CELSR1: variants seen among roughly 807,000 people sequenced by gnomAD.
CELSR1 encodes cadherin EGF LAG seven-pass G-type receptor 1.
Under a neutral mutation model 249.1 loss-of-function variants are expected in CELSR1, and 110 were observed. That is an observed-to-expected ratio of 0.44 (90% CI 0.38 to 0.52). The LOEUF (loss-of-function observed/expected upper bound fraction) is 0.52. Ranked by LOEUF, CELSR1 falls within the 20% of genes least tolerant of loss-of-function variation. The pLI is 0.00. For synonymous variants in CELSR1, 2,113 were observed against 1,900.0 expected (o/e 1.11, Z -2.92); for missense variants, 4,109 against 4,296.4 (o/e 0.96, Z 1.22).
Position 46,490,998 on chromosome 22 carries a change from C to G in CELSR1, c.3545-26653G>C, listed in dbSNP as rs893265851. The stretch of plus-strand genomic sequence containing the variant: ...ATTTTGTTCCCCTACAAGTTCAGGA[C>G]CTCGGAAGTCAGGAGACGCCTGCAA... On this transcript the variant is annotated intron_variant, in intron 1 of 34. Coordinates refer to ENST00000674500, the MANE Select transcript of CELSR1 (RefSeq NM_001378328.1). The surrounding 1 kb of genome is among the most constrained non-coding windows in gnomAD (Gnocchi z 5.2). Among the ~76,000 whole-genome samples, 2 of 152,100 alleles carry G rather than the reference C, an allele frequency of 1.3e-5. No individual in the cohort carries two copies. Among genetic ancestry groups the G allele is most frequent in the Admixed American group, 1.3e-4 (2 of 15,254 alleles).
At chr22:46,456,034 C>T (rs974301225) in intron 2 of CELSR1, among the ~76,000 whole-genome samples, 3 of 152,190 alleles carry the variant, frequency 2.0e-5, no homozygotes, top group Non-Finnish European at 2.9e-5. Context: ...CTGAAAAGCA[C>T]GTTTTCCCAA....
chr22:46,428,540 C>T lies in CELSR1; in HGVS notation c.4611+4853G>A, dbSNP rs1031028842. On this transcript the variant is annotated intron_variant, in intron 5 of 34. Coordinates refer to ENST00000674500, the MANE Select transcript of CELSR1 (RefSeq NM_001378328.1). This position sits in a 1 kb window ranked among gnomAD's most constrained non-coding sequence, Gnocchi z 5.7. ...CCAGTGGTTCTCATCCAGGGCATGA[C>T]CTCAGGGGCCTGACAATGATGAAGA... 6.6e-6 allele frequency among the ~76,000 whole-genome samples: 1 copy of T among 152,230 alleles called. No individual in the cohort carries two copies. Among genetic ancestry groups the T allele is most frequent in the African/African-American group, 2.4e-5 (1 of 41,460 alleles).
chr22:46,404,415 AAAAAAAGAAAAAG>A (rs1382737507), intron 9 of CELSR1, among the ~76,000 whole-genome samples: 5 of 152,182 alleles, frequency 3.3e-5, no homozygotes, highest in Admixed American at 6.5e-5. Context: ...CCATTTCAAA[AAAAAAAGAAAAAG>A]AAAAAAGAAA....
At position 46,522,906 on chromosome 22, in the gene CELSR1, G is replaced by A. The variant is rs537755776; in HGVS notation, c.3544+10721C>T. Among the ~76,000 whole-genome samples the A allele has an allele frequency of 2.0e-5, 3 of 152,368 alleles. No individual in the cohort carries two copies. The East Asian group carries it at 5.8e-4, about 29-fold the overall frequency. On this transcript the variant is annotated intron_variant, in intron 1 of 34. Coordinates refer to ENST00000674500, the MANE Select transcript of CELSR1 (RefSeq NM_001378328.1). Reference sequence around the variant, plus strand: ...AATCTCAGGCCGTCTCCAATGCTGGGAGAACACCTGCTCAGCGGGCCCATG... The same window carrying A: ...AATCTCAGGCCGTCTCCAATGCTGGAAGAACACCTGCTCAGCGGGCCCATG...
intron 2 of CELSR1, among the ~76,000 whole-genome samples, chr22:46,439,933 C>CACCCCTCACACAG (rs200067168): frequency 0.014 from 2,186 of 152,064 alleles, 50 homozygotes; most frequent in African/African-American, 0.051. Flanking sequence ...TCCGCCCTCC[C>CACCCCTCACACAG]ACCCCTCACA....
rs748412744 is a variant in CELSR1 at position 46,380,879 on chromosome 22, G to A, written c.7165C>T (p.Pro2389Ser). The change falls in exon 22 of 35, where the codon CCC becomes TCC. Residue 2389 changes from proline to serine, a missense_variant. This residue lies in a region of CELSR1 where 1,805 missense variants were observed against 1,831.6 expected (regional missense o/e 0.99). Coordinates refer to ENST00000674500, the MANE Select transcript of CELSR1 (RefSeq NM_001378328.1). The surrounding 1 kb of genome is among the most constrained non-coding windows in gnomAD (Gnocchi z 5.1). ...VYSEGAPLPR[P>S]LERPVLVEFA... The stretch of plus-strand genomic sequence containing the variant: ...TCCACCAGGACGGGCCTCTCCAGGG[G>A]TCTCGGGAGCGGAGCCCCCTCGCTG... 5.6e-6 allele frequency: 9 copies of A among 1,613,250 alleles called. No homozygotes were observed. The highest frequency in any genetic ancestry group is 7.6e-6 in the Non-Finnish European group (9 of 1,179,920).
At chr22:46,368,819 GCAACACCCT>G (rs1377356024) in intron 27 of CELSR1, among the ~76,000 whole-genome samples, 3 of 152,002 alleles carry the variant, frequency 2.0e-5, no homozygotes, top group Non-Finnish European at 2.9e-5. Context: ...AGTGGCCTCA[GCAACACCCT>G]CACCACCCAC....
Position 46,433,241 on chromosome 22 carries a change from G to A in CELSR1, c.4611+152C>T. 1.8e-6 allele frequency: 1 copy of A among 563,712 alleles called. No individual in the cohort carries two copies. The highest frequency in any genetic ancestry group is 3.1e-6 in the Non-Finnish European group (1 of 321,128). 34.9% of individuals were successfully genotyped at this position (563,712 alleles called of 1,614,324 possible). On this transcript the variant is annotated intron_variant, in intron 5 of 34. Coordinates refer to ENST00000674500, the MANE Select transcript of CELSR1 (RefSeq NM_001378328.1). The surrounding 1 kb of genome is among the most constrained non-coding windows in gnomAD (Gnocchi z 5.7). Reference sequence around the variant, plus strand: ...GTAGAGACAGGGTTTCGCCACGTTGGCCAAGCTGGTCTCGAGCTCCTGACC... The same window carrying A: ...GTAGAGACAGGGTTTCGCCACGTTGACCAAGCTGGTCTCGAGCTCCTGACC...
At chr22:46,400,234 CAGG>C (rs1272287530) in intron 9 of CELSR1, among the ~76,000 whole-genome samples, 1 of 151,810 alleles carries the variant, frequency 6.6e-6, no homozygotes, top group Admixed American at 6.6e-5. Context: ...GAGGCTGGGG[CAGG>C]AGAACTGCTT....
At position 46,429,236 on chromosome 22, in the gene CELSR1, CATA is replaced by C. The variant is rs879631270; in HGVS notation, c.4611+4154_4611+4156del. ...GATGGAGGAGCAGCAAACACTTAAG[CATA>C]ATGAGGGCAAAACCGATTCTCAAGT... On this transcript the variant is annotated intron_variant, in intron 5 of 34. Transcript: ENST00000674500. The surrounding 1 kb of genome is among the most constrained non-coding windows in gnomAD (Gnocchi z 4.1). Among the ~76,000 whole-genome samples the C allele has an allele frequency of 5.3e-5, 8 of 152,298 alleles. No homozygotes were observed. Among genetic ancestry groups the C allele is most frequent in the Non-Finnish European group, 1.0e-4 (7 of 68,022 alleles).
At position 46,391,226 on chromosome 22, in the gene CELSR1, G is replaced by C. The variant is rs371374031; in HGVS notation, c.6210C>G (p.Phe2070Leu). 6.2e-7 allele frequency: 1 copy of C among 1,613,566 alleles called. No homozygotes were observed. Residue 2070 changes from phenylalanine to leucine, a missense_variant, in exon 16 of 35, where the codon TTC becomes TTG. Physicochemically the swap from Phe to Leu is conservative, Grantham distance 22 (BLOSUM62 0). This residue lies in a region of CELSR1 where 1,805 missense variants were observed against 1,831.6 expected (regional missense o/e 0.99). Coordinates refer to ENST00000674500, the MANE Select transcript of CELSR1 (RefSeq NM_001378328.1). The surrounding 1 kb of genome is among the most constrained non-coding windows in gnomAD (Gnocchi z 4.3). Reference sequence around the variant, plus strand: ...GGCATGGCACCGCAGCCGGCTGCCCGAACTTGGTCTGTGGCCACCAGATGC... The same window carrying C: ...GGCATGGCACCGCAGCCGGCTGCCCCAACTTGGTCTGTGGCCACCAGATGC... ...EAGIWWPQTK[F>L]GQPAAVPCPK...
At chr22:46,442,234 G>GGC (rs2079759552) in intron 2 of CELSR1, among the ~76,000 whole-genome samples, 3 of 152,394 alleles carry the variant, frequency 2.0e-5, no homozygotes, top group African/African-American at 7.2e-5. Flanking sequence ...TCCAGGACGG[G>GGC]GCTCTGGGGT....
At position 46,484,771 on chromosome 22, in the gene CELSR1, T is replaced by G. The variant is rs765510603; in HGVS notation, c.3545-20426A>C. 6.9e-6 allele frequency among the ~76,000 whole-genome samples: 1 copy of G among 143,942 alleles called. No individual in the cohort carries two copies. 94.4% of individuals were successfully genotyped at this position (143,942 alleles called of 152,430 possible). A position where few individuals can be genotyped will look rare whatever the true frequency, so the allele number is the denominator to read the frequency against. On this transcript the variant is annotated intron_variant, in intron 1 of 34. Coordinates refer to ENST00000674500, the MANE Select transcript of CELSR1 (RefSeq NM_001378328.1). This position sits in a 1 kb window ranked among gnomAD's most constrained non-coding sequence, Gnocchi z 4.5. ...GCTGCTGCCTGAGGTCTCCAAACAC[T>G]ACCGAAGCCCACCTCCAGGAACAAG...
In CELSR1 at chr22:46,535,652, A is replaced by G; in HGVS notation, c.1519T>C (p.Phe507Leu). 1 of 1,613,226 alleles carries G rather than the reference A, an allele frequency of 6.2e-7. No homozygotes were observed. Among genetic ancestry groups the G allele is most frequent in the Non-Finnish European group, 8.5e-7 (1 of 1,180,008 alleles). Reference protein sequence around the residue: ...SILSGNVAGQFYLHSLSGILD... With the variant: ...SILSGNVAGQLYLHSLSGILD... ...ATCCCGCTCAGCGAGTGCAGGTAGA[A>G]CTGGCCGGCCACGTTCCCGCTGAGG... Residue 507 changes from phenylalanine (F) to leucine (L), a missense_variant, in exon 1 of 35, where the codon TTC becomes CTC. This residue lies in a region of CELSR1 where 135 missense variants were observed against 190.0 expected (regional missense o/e 0.71). Coordinates refer to ENST00000674500, the MANE Select transcript of CELSR1 (RefSeq NM_001378328.1).
rs1245817814 is a variant in CELSR1 at position 46,381,048 on chromosome 22, G to A, written c.7089-93C>T. The A allele has an allele frequency of 1.5e-6, 2 of 1,313,132 alleles. No homozygotes were observed. Among genetic ancestry groups the A allele is most frequent in the Non-Finnish European group, 2.1e-6 (2 of 944,868 alleles). The allele number at this position is 1,313,132 out of a possible 1,614,324, so 81.3% of individuals were successfully genotyped here. On this transcript the variant is annotated intron_variant, in intron 21 of 34. Coordinates refer to ENST00000674500, the MANE Select transcript of CELSR1 (RefSeq NM_001378328.1). This position sits in a 1 kb window ranked among gnomAD's most constrained non-coding sequence, Gnocchi z 6.0. ...AAATGCCCTGAGGACACGCCATGAT[G>A]TGTTTCTAGGGGAGACAGAATCACA...
chr22:46,414,509 G>A (rs1002183737), intron 5 of CELSR1, among the ~76,000 whole-genome samples: 2 of 151,972 alleles, frequency 1.3e-5, no homozygotes, highest in Admixed American at 6.5e-5. Flanking sequence ...GCCTCTCGGC[G>A]AGTGTGGGTT....
At chr22:46,469,998 G>GGATGAGGGGAGGGAGGGAGGA (rs1569186678) in intron 1 of CELSR1, among the ~76,000 whole-genome samples, 2 of 128,414 alleles carry the variant, frequency 1.6e-5, no homozygotes, top group African/African-American at 2.9e-5. Flanking sequence ...GAGGGAGGGA[G>GGATGAGGGGAGGGAGGGAGGA]GGAGAGGCAA....
In CELSR1 at chr22:46,409,718, G is replaced by A. The variant is rs768121024; in HGVS notation, c.5059+37C>T. The stretch of plus-strand genomic sequence containing the variant: ...ATCAAGGAGCAATGCCTCCCAGGCC[G>A]CCGTGACCGGGGGGATGGACGACGC... On this transcript the variant is annotated intron_variant, in intron 8 of 34. Coordinates refer to ENST00000674500, the MANE Select transcript of CELSR1 (RefSeq NM_001378328.1). This position sits in a 1 kb window ranked among gnomAD's most constrained non-coding sequence, Gnocchi z 9.8. The A allele has an allele frequency of 2.0e-5, 32 of 1,608,382 alleles. No homozygotes were observed. The highest frequency in any genetic ancestry group is 1.7e-4 in the Middle Eastern group (1 of 6,058).
At chr22:46,386,222 G>A (rs551903567) in intron 19 of CELSR1, among the ~76,000 whole-genome samples, 180 bp downstream of exon 19, 4 of 152,118 alleles carry the variant, frequency 2.6e-5, no homozygotes, top group African/African-American at 7.2e-5. Context: ...TGCCTGTCCC[G>A]ATCTCCCAAA....
Sources: allele counts gnomAD v4.1 joint callset (sites outside exome capture counted in the v4.1 genomes callset), GRCh38; gene constraint gnomAD v4.1.1; regional missense constraint gnomAD v4.1.1; non-coding constraint Gnocchi (gnomAD v3.1); transcripts MANE v1.5; gene names NCBI Gene and HGNC (gene_info 2026-07-23, HGNC 2026-07-21).